Variants in CELA1 observed in about 807,000 individuals in gnomAD.
CELA1 encodes chymotrypsin like elastase 1.
CELA1 carries 28 observed loss-of-function variants against 34.8 expected under a neutral mutation model. The ratio of observed to expected loss-of-function variants is 0.80; its 90% CI spans 0.60 to 1.10. The LOEUF (loss-of-function observed/expected upper bound fraction) is 1.10. Among genes scored for constraint, CELA1 ranks in the 50% least tolerant of loss-of-function variants. CELA1 has a pLI of 0.00. For synonymous variants in CELA1, 140 were observed against 129.8 expected (o/e 1.08, Z -0.53); for missense variants, 288 against 327.5 (o/e 0.88, Z 0.93).
Position 51,328,596 on chromosome 12 carries a change from TGAAGGAAAG to T in CELA1, c.760-11_760-3del. On this transcript the variant is annotated splice_polypyrimidine_tract_variant and splice_region_variant and intron_variant, in intron 7 of 7. Transcript: ENST00000293636. ...AAATGTTCAGTTGGAGGCGATGACCTGAAGGAAAGACAGTTATGTCCACAGTCAGTAACT... is the reference window on the plus strand; with the variant it reads ...AAATGTTCAGTTGGAGGCGATGACCTACAGTTATGTCCACAGTCAGTAACT... 1 of 1,614,020 alleles carries T rather than the reference TGAAGGAAAG, an allele frequency of 6.2e-7. No individual in the cohort carries two copies. The highest frequency in any genetic ancestry group is 1.1e-5 in the South Asian group (1 of 91,072).
At chr12:51,334,559 G>A (rs962050410) in intron 6 of CELA1, among the ~76,000 whole-genome samples, 3 of 151,868 alleles carry the variant, frequency 2.0e-5, no homozygotes, top group African/African-American at 4.8e-5. Context: ...TCAGCCTCCC[G>A]AGTAGCTGGG....
At chr12:51,338,293 CAT>C (rs1438456769) in intron 6 of CELA1, among the ~76,000 whole-genome samples, 23 of 54,384 alleles carry the variant, frequency 4.2e-4, no homozygotes, top group South Asian at 9.7e-4. Flanking sequence ...CACACATACA[CAT>C]ACGCATACAT....
chr12:51,342,849 T>C, intron 3 of CELA1, 149 bp from the exon 4 acceptor site: 2 of 864,044 alleles, frequency 2.3e-6, no homozygotes, highest in African/African-American at 3.4e-5. Flanking sequence ...TTTGCTGTGT[T>C]GCCCAGGCTG....
intron 5 of CELA1, among the ~76,000 whole-genome samples, chr12:51,340,892 A>G (rs1357610463): frequency 1.3e-5 from 2 of 152,174 alleles, no homozygotes; most frequent in East Asian, 3.8e-4. Context: ...CTATAGTCTC[A>G]GCTACTCAGG....
At position 51,328,579 on chromosome 12, in the gene CELA1, A is replaced by G. The variant is rs148323649; in HGVS notation, c.775T>C (p.Ter259ArgextTer4). ...GGTCGTTGGACTCAGGAAAATGTTC[A>G]GTTGGAGGCGATGACCTGAAGGAAA... ...SWINNVIASN[*>R] is the part of the protein sequence containing the mutation. Residue 259 changes from the stop codon to arginine (R), a stop_lost, in exon 8 of 8, where the codon TGA (stop) becomes CGA (arginine). Coordinates refer to ENST00000293636, the MANE Select transcript of CELA1 (RefSeq NM_001971.6). 37 of 1,614,184 alleles carry G rather than the reference A, an allele frequency of 2.3e-5. No homozygotes were observed. The African/African-American group carries it at 4.1e-4, about 18-fold the overall frequency.
At chr12:51,328,906 G>T (rs1946451815) in intron 7 of CELA1, among the ~76,000 whole-genome samples, 1 of 152,184 alleles carries the variant, frequency 6.6e-6, no homozygotes, top group African/African-American at 2.4e-5. Context: ...CACCAGGTCA[G>T]TGTAGGCAGA....
At chr12:51,341,844 T>C (rs1555174710) in intron 4 of CELA1, among the ~76,000 whole-genome samples, 1 of 152,128 alleles carries the variant, frequency 6.6e-6, no homozygotes, top group Non-Finnish European at 1.5e-5. Context: ...CTTGCAATTT[T>C]CCCGTGTAAG....
At position 51,345,826 on chromosome 12, in the gene CELA1, G is replaced by A. The variant is rs199947566; in HGVS notation, c.68C>T (p.Thr23Ile). 1.9e-6 allele frequency: 3 copies of A among 1,559,090 alleles called. No homozygotes were observed. The highest frequency in any genetic ancestry group is 2.6e-6 in the Non-Finnish European group (3 of 1,150,692). The change falls in exon 2 of 8, where the codon ACT (threonine) becomes ATT (isoleucine). Residue 23 changes from threonine (T) to isoleucine (I), a missense_variant. Physicochemically the swap from Thr to Ile is moderately conservative, Grantham distance 89. Transcript: ENST00000293636. ...GGGCCAGGAATTCCTCCCGGCCTCA[G>A]TCCCTCCGACTACGCGGGCATTGGT... ...PETNARVVGG[T>I]EAGRNSWPSQ...
intron 1 of CELA1, 23 bp from the exon 2 acceptor site, chr12:51,345,900 G>C: frequency 5.9e-6 from 9 of 1,531,988 alleles, no homozygotes; most frequent in Non-Finnish European, 8.0e-6. Flanking sequence ...GAAGAAAAGT[G>C]AGTGATGACT....
chr12:51,342,317 G>A (rs530298296), intron 4 of CELA1, among the ~76,000 whole-genome samples: 4 of 152,266 alleles, frequency 2.6e-5, no homozygotes, highest in Non-Finnish European at 5.9e-5. Flanking sequence ...TTATAGGCAT[G>A]AGCCACTGTG....
At position 51,328,501 on chromosome 12, in the gene CELA1, G is replaced by T; in HGVS notation, c.*76C>A. 1 of 1,423,656 alleles carries T rather than the reference G, an allele frequency of 7.0e-7. No individual in the cohort carries two copies. Among genetic ancestry groups the T allele is most frequent in the Non-Finnish European group, 9.9e-7 (1 of 1,006,962 alleles). 88.2% of individuals were successfully genotyped at this position (1,423,656 alleles called of 1,614,324 possible). A position where few individuals can be genotyped will look rare whatever the true frequency, so the allele number is the denominator to read the frequency against. Reference sequence around the variant, plus strand: ...ATGGCTCAATAGTCTTTCAGAATGTGTTTTACTTTTTGATCGCAAGTCCTA... The same window carrying T: ...ATGGCTCAATAGTCTTTCAGAATGTTTTTTACTTTTTGATCGCAAGTCCTA... On this transcript the variant is annotated 3_prime_UTR_variant, in exon 8 of 8. Transcript: ENST00000293636.
intron 6 of CELA1, among the ~76,000 whole-genome samples, chr12:51,330,842 C>T (rs1182234049): frequency 2.7e-5 from 4 of 150,340 alleles, no homozygotes; most frequent in African/African-American, 2.5e-5. Flanking sequence ...TGGTGGTGGG[C>T]GCCTGTAGTC....
intron 6 of CELA1, among the ~76,000 whole-genome samples, chr12:51,337,466 A>AGTT (rs919188062): frequency 2.4e-5 from 3 of 123,078 alleles, no homozygotes; most frequent in Non-Finnish European, 4.8e-5. Context: ...GAGCCCAGGA[A>AGTT]GTTGAGGCTG....
At position 51,342,557 on chromosome 12, in the gene CELA1, G is replaced by C. The variant is rs1394963692; in HGVS notation, c.326+18C>G. ...GGCCTCACCGCCCAGCCCAGGGCCA[G>C]CTTGGACTTGCTCCTACCCGGCAGC... On this transcript the variant is annotated intron_variant, in intron 4 of 7. Coordinates refer to ENST00000293636, the MANE Select transcript of CELA1 (RefSeq NM_001971.6). 1 of 1,614,034 alleles carries C rather than the reference G, an allele frequency of 6.2e-7. No individual in the cohort carries two copies. The highest frequency in any genetic ancestry group is 8.5e-7 in the Non-Finnish European group (1 of 1,179,990).
At position 51,346,634 on chromosome 12, in the gene CELA1, A is replaced by G. The variant is rs1185694064; in HGVS notation, c.5T>C (p.Leu2Pro). The G allele has an allele frequency of 1.9e-6, 3 of 1,595,814 alleles. No homozygotes were observed. The highest frequency in any genetic ancestry group is 2.6e-6 in the Non-Finnish European group (3 of 1,164,216). Reference sequence around the variant, plus strand: ...CCATATCCACTTACCATAAAGGACCAGCATGTTGCCGATGGAGTAGACCAC... The same window carrying G: ...CCATATCCACTTACCATAAAGGACCGGCATGTTGCCGATGGAGTAGACCAC... M[L>P]VLYGHSTQDL... The change falls in exon 1 of 8, where the codon CTG (leucine) becomes CCG (proline). Residue 2 changes from leucine (L) to proline (P), a missense_variant. By Grantham distance (98) the Leu-to-Pro change is moderately conservative. Transcript: ENST00000293636.
At chr12:51,345,089 C>T (rs1347327847) in intron 2 of CELA1, among the ~76,000 whole-genome samples, 4 of 151,722 alleles carry the variant, frequency 2.6e-5, no homozygotes, top group Admixed American at 1.3e-4. Flanking sequence ...CATGCCATTG[C>T]ACTCTAGCCT....
At chr12:51,341,044 TG>T (rs1946531214) in intron 5 of CELA1, among the ~76,000 whole-genome samples, 199 bp downstream of exon 5, 1 of 152,228 alleles carries the variant, frequency 6.6e-6, no homozygotes, top group African/African-American at 2.4e-5. Context: ...AGTCTTTTTT[TG>T]TTCTAAGAGT....
At chr12:51,342,042 G>C (rs1946538935) in intron 4 of CELA1, among the ~76,000 whole-genome samples, 2 of 152,122 alleles carry the variant, frequency 1.3e-5, no homozygotes, top group South Asian at 2.1e-4. Flanking sequence ...CAGAACGTCA[G>C]TTCTCTTTTT....
At chr12:51,341,037 C>A (rs1022359999) in intron 5 of CELA1, among the ~76,000 whole-genome samples, 2 of 152,030 alleles carry the variant, frequency 1.3e-5, no homozygotes, top group African/African-American at 4.8e-5. Flanking sequence ...CTGATAAAGT[C>A]TTTTTTTGTT....
Sources: allele counts gnomAD v4.1 joint callset (sites outside exome capture counted in the v4.1 genomes callset), GRCh38; gene constraint gnomAD v4.1.1; transcripts MANE v1.5; gene names NCBI Gene and HGNC (gene_info 2026-07-23, HGNC 2026-07-21).